The following MAML3 variants were observed in gnomAD, a reference collection of about 807,000 sequenced individuals.
MAML3 encodes mastermind-like protein 3.
MAML3 carries 27 observed loss-of-function variants against 101.9 expected under a neutral mutation model. The ratio of observed to expected loss-of-function variants is 0.27; its 90% CI spans 0.20 to 0.37. MAML3 has a LOEUF of 0.37. Among genes scored for constraint, MAML3 ranks in the 10% least tolerant of loss-of-function variants. The pLI is 1.00. For synonymous variants in MAML3, 501 were observed against 555.9 expected (o/e 0.90, Z 1.39); for missense variants, 1,316 against 1,444.9 (o/e 0.91, Z 1.45).
intron 1 of MAML3, among the ~76,000 whole-genome samples, chr4:139,929,333 C>T (rs192447489): frequency 9.2e-5 from 14 of 152,308 alleles, no homozygotes; most frequent in Admixed American, 1.3e-4. Context: ...TCTGTGGTTG[C>T]GGTTAGCCAT....
chr4:139,770,030 C>CT (rs1357392967), intron 2 of MAML3, among the ~76,000 whole-genome samples: 5 of 151,752 alleles, frequency 3.3e-5, no homozygotes, highest in African/African-American at 1.2e-4. Context: ...GGCGATCCTC[C>CT]TACTTCAGCC....
At chr4:139,824,435 A>G (rs1020943803) in intron 2 of MAML3, among the ~76,000 whole-genome samples, 5 of 152,222 alleles carry the variant, frequency 3.3e-5, no homozygotes, top group Admixed American at 3.3e-4. Context: ...AATTAGGGTA[A>G]CTATATAATT....
rs1278709480 is a variant in MAML3 at position 140,041,545 on chromosome 4, T to TGGGAGGCAGAGGTTGCA, written c.468+111298_468+111314dup. On this transcript the variant is annotated intron_variant, in intron 1 of 4. Coordinates refer to ENST00000509479, the MANE Select transcript of MAML3 (RefSeq NM_018717.5). Reference sequence around the variant, plus strand: ...AGGCTAAGGCAGACCAGGTTGAAGCTGGGAGGCAGAGGTTGCAGTGAGCCG... The same window carrying TGGGAGGCAGAGGTTGCA: ...AGGCTAAGGCAGACCAGGTTGAAGCTGGGAGGCAGAGGTTGCAGGGAGGCAGAGGTTGCAGTGAGCCG... Among the ~76,000 whole-genome samples the TGGGAGGCAGAGGTTGCA allele has an allele frequency of 2.6e-5, 4 of 152,010 alleles. No homozygotes were observed. In the East Asian group the frequency reaches 7.7e-4, roughly 29 times the overall value.
intron 1 of MAML3, among the ~76,000 whole-genome samples, chr4:140,072,532 T>C (rs796464964): frequency 1.6e-4 from 24 of 152,160 alleles, no homozygotes; most frequent in African/African-American, 5.1e-4. Context: ...TAGCCAGGCA[T>C]GGTGGCGCGT....
intron 2 of MAML3, among the ~76,000 whole-genome samples, chr4:139,758,144 A>G (rs1729689251): frequency 6.6e-6 from 1 of 152,194 alleles, no homozygotes; most frequent in African/African-American, 2.4e-5. Flanking sequence ...GTCTGTGATT[A>G]GCTGCTTCCT....
intron 1 of MAML3, among the ~76,000 whole-genome samples, chr4:140,061,672 G>C (rs1051610721): frequency 7.2e-5 from 11 of 152,308 alleles, no homozygotes; most frequent in Admixed American, 1.3e-4. Context: ...ATGATGTTCA[G>C]AATGGAAATG....
Position 140,041,597 on chromosome 4 carries a change from G to A in MAML3, c.468+111263C>T, listed in dbSNP as rs187056454. ...GATCACGCCACTGCACTCCAGCCTG[G>A]GCAACCGAGTGAGACACTGCCTCAA... On this transcript the variant is annotated intron_variant, in intron 1 of 4. Coordinates refer to ENST00000509479, the MANE Select transcript of MAML3 (RefSeq NM_018717.5). Among the ~76,000 whole-genome samples the A allele has an allele frequency of 4.5e-4, 68 of 152,198 alleles. 3 individuals are homozygous for A. The highest frequency in any genetic ancestry group is 3.9e-4 in the Admixed American group (6 of 15,274).
In MAML3 at chr4:140,030,045, A is replaced by G. The variant is rs552446142; in HGVS notation, c.468+122815T>C. Reference sequence around the variant, plus strand: ...TGAGTAGGAAGAAACGAAAAGGATGAGGTAAGGATATTGTTTTTCCCCAAT... The same window carrying G: ...TGAGTAGGAAGAAACGAAAAGGATGGGGTAAGGATATTGTTTTTCCCCAAT... On this transcript the variant is annotated intron_variant, in intron 1 of 4. Transcript: ENST00000509479. Among the ~76,000 whole-genome samples, 163 of 152,268 alleles carry G rather than the reference A, an allele frequency of 1.1e-3. 3 individuals are homozygous for G. The highest frequency in any genetic ancestry group is 0.011 in the Admixed American group (161 of 15,288).
chr4:140,052,796 A>G (rs1195577522), intron 1 of MAML3, among the ~76,000 whole-genome samples: 1 of 151,994 alleles, frequency 6.6e-6, no homozygotes, highest in Non-Finnish European at 1.5e-5. Context: ...CGCCCTCCCA[A>G]AGTCTTGGGA....
intron 1 of MAML3, among the ~76,000 whole-genome samples, chr4:140,042,670 T>C (rs989088745): frequency 2.0e-5 from 3 of 151,576 alleles, no homozygotes; most frequent in African/African-American, 7.3e-5. Flanking sequence ...AAGTTAAAAG[T>C]AAGGTTGATG....
At chr4:140,097,851 T>C (rs918106065) in intron 1 of MAML3, among the ~76,000 whole-genome samples, 4 of 152,192 alleles carry the variant, frequency 2.6e-5, no homozygotes, top group Non-Finnish European at 5.9e-5. Flanking sequence ...ATACTGTGTT[T>C]CCACCAAATA....
rs372171498 is a variant in MAML3 at position 139,890,552 on chromosome 4, T to C, written c.884A>G (p.Gln295Arg). Reference sequence around the variant, plus strand: ...ATTAATGTCTGAGAACAGCTTGTTCTGATTTGAAAGAGATGTTTCTGATGT... The same window carrying C: ...ATTAATGTCTGAGAACAGCTTGTTCCGATTTGAAAGAGATGTTTCTGATGT... ...IDTSETSLSN[Q>R]NKLFSDINLN... Residue 295 changes from glutamine (Q) to arginine (R), a missense_variant, in exon 2 of 5, where the codon CAG (glutamine) becomes CGG (arginine). By Grantham distance (43) the Gln-to-Arg change is conservative (BLOSUM62 1). Coordinates refer to ENST00000509479, the MANE Select transcript of MAML3 (RefSeq NM_018717.5). The surrounding 1 kb of genome is among the most constrained non-coding windows in gnomAD (Gnocchi z 4.1). 3.7e-6 allele frequency: 6 copies of C among 1,613,946 alleles called. No individual in the cohort carries two copies. Among genetic ancestry groups the C allele is most frequent in the Non-Finnish European group, 4.2e-6 (5 of 1,179,910 alleles).
rs142819056 is a variant in MAML3 at position 140,028,166 on chromosome 4, A to G, written c.468+124694T>C. 1.4e-3 allele frequency among the ~76,000 whole-genome samples: 209 copies of G among 152,308 alleles called. 4 individuals carry two copies. The East Asian group carries it at 0.039, about 29-fold the overall frequency. On this transcript the variant is annotated intron_variant, in intron 1 of 4. Transcript: ENST00000509479. ...TCTTGTTCTGTGAAGTGTACAGGACAATGTCTCTCCTAAACTATTTTTCAT... is the reference window on the plus strand; with the variant it reads ...TCTTGTTCTGTGAAGTGTACAGGACGATGTCTCTCCTAAACTATTTTTCAT...
chr4:140,109,356 T>C (rs1728403503), intron 1 of MAML3, among the ~76,000 whole-genome samples: 1 of 152,176 alleles, frequency 6.6e-6, no homozygotes, highest in Non-Finnish European at 1.5e-5. Context: ...TACTTCTCAC[T>C]AGCAAAAATT....
intron 1 of MAML3, among the ~76,000 whole-genome samples, chr4:140,123,454 A>G (rs1199204446): frequency 2.0e-5 from 3 of 152,184 alleles, no homozygotes; most frequent in Admixed American, 6.5e-5. Flanking sequence ...TAGGTGAGAA[A>G]TTGATTATTC....
intron 1 of MAML3, among the ~76,000 whole-genome samples, chr4:140,152,457 G>A (rs1391152327): frequency 2.6e-5 from 4 of 152,102 alleles, no homozygotes; most frequent in African/African-American, 4.8e-5. Context: ...GGGAGGCGAG[G>A]CGGCGCGGCT....
chr4:139,749,943 G>T (rs140292509), intron 2 of MAML3, among the ~76,000 whole-genome samples: 17 of 140,290 alleles, frequency 1.2e-4, no homozygotes, highest in African/African-American at 2.7e-4. Context: ...ATCAACTTAA[G>T]AATAAGAAAA....
intron 1 of MAML3, among the ~76,000 whole-genome samples, chr4:140,097,770 C>T (rs772482478): frequency 3.3e-5 from 5 of 152,212 alleles, no homozygotes; most frequent in East Asian, 1.9e-4. Flanking sequence ...TCCAAGCTCA[C>T]GTTCCTTCGT....
At chr4:139,739,610 C>T (rs1436055051) in intron 2 of MAML3, among the ~76,000 whole-genome samples, 2 of 150,698 alleles carry the variant, frequency 1.3e-5, no homozygotes, top group Non-Finnish European at 2.9e-5. Context: ...AATCATGCCT[C>T]CTTAGACTAT....
Sources: gnomAD v4.1 joint callset for allele counts (sites outside exome capture counted in the v4.1 genomes callset) on GRCh38, gnomAD v4.1.1 for gene constraint, Gnocchi (gnomAD v3.1) non-coding constraint, MANE v1.5 for transcripts, NCBI Gene and HGNC (gene_info 2026-07-23, HGNC 2026-07-21) for gene names.